The following AREL1 variants were observed in gnomAD, a reference collection of about 807,000 sequenced individuals.
AREL1 encodes the protein apoptosis-resistant E3 ubiquitin protein ligase 1.
In AREL1, 62 loss-of-function variants were observed where a neutral mutation model predicts 99.0. The observed-to-expected ratio is 0.63, with a 90% CI of 0.51 to 0.77. The LOEUF is 0.77. AREL1 is among the 30% of genes least tolerant of loss of function. AREL1 has a pLI of 0.00. For missense variants in AREL1, 879 were observed against 1,027.6 expected, an observed-to-expected ratio of 0.86 and a Z score of 1.98; for synonymous variants, 380 against 376.5, an observed-to-expected ratio of 1.01 and a Z score of -0.11.
chr14:74,684,624 G>A lies in AREL1; in HGVS notation c.73C>T (p.Leu25Phe). 1 of 1,614,206 alleles carries A rather than the reference G, an allele frequency of 6.2e-7. No individual in the cohort carries two copies. The highest frequency in any genetic ancestry group is 8.5e-7 in the Non-Finnish European group (1 of 1,180,012). ...FFFTIKFLFE[L>F]AARVVSFLQN... The stretch of plus-strand genomic sequence containing the variant: ...AGGAAGCTGACTACACGTGCGGCAA[G>A]CTCAAAGAGGAACTTAATTGTGAAG... The change falls in exon 4 of 20, where the codon CTT becomes TTT. Residue 25 changes from leucine to phenylalanine, a missense_variant. Coordinates refer to ENST00000356357, the MANE Select transcript of AREL1 (RefSeq NM_001039479.2).
intron 18 of AREL1, 114 bp from the exon 19 acceptor site, chr14:74,664,188 G>A: frequency 1.7e-6 from 2 of 1,182,014 alleles, no homozygotes; most frequent in South Asian, 3.1e-5. Context: ...ACCGTTCTAT[G>A]AGGACACAGG....
At chr14:74,703,584 G>A (rs567541017) in intron 1 of AREL1, among the ~76,000 whole-genome samples, 10 of 152,292 alleles carry the variant, frequency 6.6e-5, no homozygotes, top group East Asian at 3.9e-4. Flanking sequence ...TGTATCACAC[G>A]CAAAATGTAG....
rs1027039988 is a variant in AREL1, at chr14:74,676,638, G to C, written c.596C>G (p.Thr199Ser). Residue 199 changes from threonine (T) to serine (S), a missense_variant, in exon 6 of 20, where the codon ACC (threonine) becomes AGC (serine). Transcript: ENST00000356357. ...IVPRDEYDNP[T>S]NNSMSLRDEH... is the part of the protein sequence containing the mutation. ...ATCTCTCAAGGACATGGAATTGTTG[G>C]TGGGATTATCATACTCATCTCGGGG... 1.2e-6 allele frequency: 2 copies of C among 1,613,994 alleles called. No individual in the cohort carries two copies. The highest frequency in any genetic ancestry group is 2.7e-5 in the African/African-American group (2 of 74,894).
At chr14:74,680,839 GGTAA>G (rs1195422405) in intron 5 of AREL1, among the ~76,000 whole-genome samples, 7 of 152,120 alleles carry the variant, frequency 4.6e-5, no homozygotes, top group Admixed American at 2.0e-4. Flanking sequence ...GTGCTGAAGT[GGTAA>G]GTAAGTATAT....
At chr14:74,711,570 A>AAATAT (rs2090290077) in intron 1 of AREL1, among the ~76,000 whole-genome samples, 1 of 152,030 alleles carries the variant, frequency 6.6e-6, no homozygotes, top group Non-Finnish European at 1.5e-5. Context: ...AAATAAAATA[A>AAATAT]AATTGGCATA....
chr14:74,663,789 G>A lies in AREL1; in HGVS notation c.2403C>T (p.Ser801=), dbSNP rs2089140785. ...GCAGCATCCTGTGCACCTCTTCATAGGAGTCATATGTAGGGAGGCACAGCT... is the reference window on the plus strand; with the variant it reads ...GCAGCATCCTGTGCACCTCTTCATAAGAGTCATATGTAGGGAGGCACAGCT... ...FNQLCLPTYD[S]YEEVHRMLQL... Residue 801 remains serine, a synonymous_variant, in exon 20 of 20, where the codon TCC becomes TCT. Coordinates refer to ENST00000356357, the MANE Select transcript of AREL1 (RefSeq NM_001039479.2). 6.2e-7 allele frequency: 1 copy of A among 1,614,176 alleles called. No individual in the cohort carries two copies. The highest frequency in any genetic ancestry group is 8.5e-7 in the Non-Finnish European group (1 of 1,180,032).
chr14:74,669,723 G>A lies in AREL1; in HGVS notation c.1840C>T (p.Leu614Phe), dbSNP rs774247761. 3.7e-6 allele frequency: 6 copies of A among 1,614,118 alleles called. No individual in the cohort carries two copies. The highest frequency in any genetic ancestry group is 5.1e-6 in the Non-Finnish European group (6 of 1,180,008). Residue 614 changes from leucine to phenylalanine, a missense_variant, in exon 15 of 20, where the codon CTC (leucine) becomes TTC (phenylalanine). Coordinates refer to ENST00000356357, the MANE Select transcript of AREL1 (RefSeq NM_001039479.2). ...EFYKSKVCFI[L>F]NNDMSEMELV... ...TCCATCTCACTCATGTCATTGTTGA[G>A]GATAAAACAAACTTTAGATTTGTAG...
intron 1 of AREL1, among the ~76,000 whole-genome samples, chr14:74,707,959 GA>G (rs1186322099): frequency 0.024 from 1,356 of 57,620 alleles, 13 homozygotes; most frequent in Non-Finnish European, 0.031. Context: ...CTTCGCCTCA[GA>G]AAAAAAAAAA....
chr14:74,683,800 A>C (rs2089688679), intron 4 of AREL1, among the ~76,000 whole-genome samples: 1 of 152,224 alleles, frequency 6.6e-6, no homozygotes, highest in African/African-American at 2.4e-5. Context: ...GAAAATGTCC[A>C]TTTTAACTTG....
At chr14:74,712,038 C>CAAAAAAAAAAAAAGAAA (rs2090305437) in intron 1 of AREL1, 1 of 28,708 alleles carries the variant, frequency 3.5e-5, no homozygotes, top group African/African-American at 1.4e-4. Context: ...AGACAAAGTG[C>CAAAAAAAAAAAAAGAAA]AAAAAAAAAA....
intron 9 of AREL1, 33 bp downstream of exon 9, chr14:74,674,001 C>CT: frequency 6.4e-7 from 1 of 1,558,736 alleles, no homozygotes; most frequent in Non-Finnish European, 8.8e-7. Context: ...ATGAAGCATG[C>CT]TTGATGTGAA....
intron 5 of AREL1, among the ~76,000 whole-genome samples, chr14:74,681,062 T>C (rs2089616702): frequency 6.6e-6 from 1 of 152,116 alleles, no homozygotes; most frequent in African/African-American, 2.4e-5. Flanking sequence ...GGTGCACACT[T>C]GTAGTCCCAG....
chr14:74,666,590 C>T (rs1349733754), intron 17 of AREL1, among the ~76,000 whole-genome samples: 1 of 152,032 alleles, frequency 6.6e-6, no homozygotes, highest in African/African-American at 2.4e-5. Flanking sequence ...TTGTCTTATT[C>T]GTTACTCTCT....
At chr14:74,672,546 G>A (rs1052134575) in intron 11 of AREL1, among the ~76,000 whole-genome samples, 5 of 152,084 alleles carry the variant, frequency 3.3e-5, no homozygotes, top group African/African-American at 1.2e-4. Flanking sequence ...AGACCAGCCG[G>A]AGCAATATGG....
At chr14:74,678,838 A>T (rs1471021532) in intron 5 of AREL1, among the ~76,000 whole-genome samples, 1 of 152,148 alleles carries the variant, frequency 6.6e-6, no homozygotes, top group African/African-American at 2.4e-5. Context: ...GAGACCAAAG[A>T]TTTCTTAGAC....
intron 2 of AREL1, among the ~76,000 whole-genome samples, chr14:74,688,948 T>C (rs2089807852): frequency 6.6e-6 from 1 of 151,964 alleles, no homozygotes. Context: ...GCAATTCTCC[T>C]GCCTCAGCCT....
rs1018762739 is a variant in AREL1 at position 74,705,266 on chromosome 14, C to T, written c.-334+7667G>A. Among the ~76,000 whole-genome samples the T allele has an allele frequency of 1.2e-4, 18 of 152,212 alleles. No homozygotes were observed. The East Asian group carries it at 3.1e-3, about 26-fold the overall frequency. The stretch of plus-strand genomic sequence containing the variant: ...GTTGGTCAGGCTGGTCTCGAACTCC[C>T]GACCTCAGGTGATTCGCCCACCTCA... On this transcript the variant is annotated intron_variant, in intron 1 of 19. Transcript: ENST00000356357.
At chr14:74,667,413 A>T (rs779340629) in intron 16 of AREL1, 36 bp from the exon 17 acceptor site, 4 of 1,614,076 alleles carry the variant, frequency 2.5e-6, no homozygotes, top group Non-Finnish European at 3.4e-6. Context: ...TCATACCCAC[A>T]CCATGGATAC....
intron 2 of AREL1, among the ~76,000 whole-genome samples, chr14:74,688,019 CTTTT>C (rs764034669): frequency 2.5e-3 from 270 of 108,690 alleles, no homozygotes; most frequent in African/African-American, 9.3e-3. Context: ...TGAGTACTTA[CTTTT>C]TTTTTTTTTT....
Sources: allele counts gnomAD v4.1 joint callset (sites outside exome capture counted in the v4.1 genomes callset), GRCh38; gene constraint gnomAD v4.1.1; transcripts MANE v1.5; gene names NCBI Gene and HGNC (gene_info 2026-07-23, HGNC 2026-07-21).